Variants in ZNF827 observed in about 807,000 individuals in gnomAD.
ZNF827 encodes the protein zinc finger protein 827.
In ZNF827, 13 loss-of-function variants were observed where a neutral mutation model predicts 102.4. That is an observed-to-expected ratio of 0.13 (90% confidence interval 0.08 to 0.20). The LOEUF (loss-of-function observed/expected upper bound fraction) is 0.20. Ranked by LOEUF, ZNF827 falls within the 10% of genes least tolerant of loss-of-function variation. ZNF827 has a pLI of 1.00. For synonymous variants in ZNF827, 523 were observed against 536.2 expected, an observed-to-expected ratio of 0.98 and a Z score of 0.34; for missense variants, 1,103 against 1,344.4, an observed-to-expected ratio of 0.82 and a Z score of 2.81.
intron 8 of ZNF827, among the ~76,000 whole-genome samples, chr4:145,814,769 C>CAAAAAAAAAAAAAAAAAAA (rs773438540): frequency 1.3e-5 from 1 of 74,364 alleles, no homozygotes. Context: ...ACTAAAAATA[C>CAAAAAAAAAAAAAAAAAAA]AAAAAAAAAA....
chr4:145,808,901 A>T (rs1266943471), intron 8 of ZNF827, among the ~76,000 whole-genome samples: 2 of 152,170 alleles, frequency 1.3e-5, no homozygotes, highest in African/African-American at 4.8e-5. Flanking sequence ...CCTGGCCTCA[A>T]GCAATCCTCC....
chr4:145,783,799 G>C (rs1020257105), intron 8 of ZNF827, among the ~76,000 whole-genome samples: 2 of 152,214 alleles, frequency 1.3e-5, no homozygotes, highest in Non-Finnish European at 2.9e-5. Context: ...CCCAAGGATG[G>C]AGAAAGGGAA....
In ZNF827 at chr4:145,761,232, G is replaced by T; in HGVS notation, c.*384C>A. The T allele has an allele frequency of 1.6e-6, 2 of 1,289,890 alleles. No individual in the cohort carries two copies. The highest frequency in any genetic ancestry group is 2.0e-6 in the Non-Finnish European group (2 of 988,882). 79.9% of individuals were successfully genotyped at this position (1,289,890 alleles called of 1,614,324 possible). The stretch of plus-strand genomic sequence containing the variant: ...TGACGTGGCGGCTGAAGACGAAAGG[G>T]TGTGTGGTCTTGAACAGGCACTCTT... On this transcript the variant is annotated 3_prime_UTR_variant, in exon 15 of 15. Transcript: ENST00000508784. This position sits in a 1 kb window ranked among gnomAD's most constrained non-coding sequence, Gnocchi z 6.8.
At chr4:145,915,685 T>A (rs1416778383) in intron 1 of ZNF827, among the ~76,000 whole-genome samples, 1 of 152,096 alleles carries the variant, frequency 6.6e-6, no homozygotes, top group African/African-American at 2.4e-5. Flanking sequence ...ATTCATTCCA[T>A]CACAATAGCC....
intron 8 of ZNF827, among the ~76,000 whole-genome samples, chr4:145,818,785 G>A (rs1372789318): frequency 6.6e-6 from 1 of 152,170 alleles, no homozygotes; most frequent in African/African-American, 2.4e-5. Context: ...TTCTGACCAG[G>A]GGTGTGTCAG....
rs1387528968 is a variant in ZNF827, at chr4:145,938,707, TGTGA to T, written c.-304_-301del. On this transcript the variant is annotated 5_prime_UTR_variant, in exon 1 of 15. Coordinates refer to ENST00000508784, the MANE Select transcript of ZNF827 (RefSeq NM_001306215.2). ...CTTCAATGGAAACGGATCTAATAGG[TGTGA>T]GTGTGTGTGTGTCCTATGCTCGCGT... 2.4e-6 allele frequency: 1 copy of T among 415,160 alleles called. No homozygotes were observed. The highest frequency in any genetic ancestry group is 4.4e-6 in the Non-Finnish European group (1 of 228,056). 25.7% of individuals were successfully genotyped at this position (415,160 alleles called of 1,614,324 possible).
At position 145,762,095 on chromosome 4, in the gene ZNF827, G is replaced by C. The variant is rs368137590; in HGVS notation, c.*18-497C>G. The stretch of plus-strand genomic sequence containing the variant: ...TTAAAGAACAGCTTATAGGGGGAGC[G>C]CTACCTCCAGCAAACAGAAAGTCAC... On this transcript the variant is annotated intron_variant, in intron 14 of 14. Transcript: ENST00000508784. This position sits in a 1 kb window ranked among gnomAD's most constrained non-coding sequence, Gnocchi z 4.9. Among the ~76,000 whole-genome samples, 5 of 152,142 alleles carry C rather than the reference G, an allele frequency of 3.3e-5. No homozygotes were observed. Among genetic ancestry groups the C allele is most frequent in the Non-Finnish European group, 1.5e-5 (1 of 68,028 alleles).
At chr4:145,936,234 C>T (rs1754160293) in intron 1 of ZNF827, among the ~76,000 whole-genome samples, 1 of 152,044 alleles carries the variant, frequency 6.6e-6, no homozygotes, top group African/African-American at 2.4e-5. Context: ...TGCACGCACA[C>T]TCTTCCACCA....
chr4:145,778,197 G>A (rs887183303), intron 9 of ZNF827, among the ~76,000 whole-genome samples: 3 of 152,056 alleles, frequency 2.0e-5, no homozygotes, highest in Non-Finnish European at 4.4e-5. Context: ...GCAGTGGCAC[G>A]ATCTTGGCTC....
At chr4:145,938,276 C>G in intron 1 of ZNF827, 89 bp downstream of exon 1, 1 of 1,514,506 alleles carries the variant, frequency 6.6e-7, no homozygotes, top group South Asian at 1.1e-5. Flanking sequence ...TAAACTAATG[C>G]AGAAAACAAC....
At chr4:145,907,104 G>C (rs1283627175) in intron 1 of ZNF827, 1 of 456,720 alleles carries the variant, frequency 2.2e-6, no homozygotes, top group South Asian at 1.5e-5. Context: ...AGAAATGAAT[G>C]CAAGAAAATG....
At chr4:145,925,822 C>T (rs1342102146) in intron 1 of ZNF827, among the ~76,000 whole-genome samples, 2 of 152,202 alleles carry the variant, frequency 1.3e-5, no homozygotes, top group African/African-American at 4.8e-5. Flanking sequence ...TCTCATCTCA[C>T]CCCACATTAC....
chr4:145,849,295 T>C (rs1412974752), intron 6 of ZNF827, 27 bp downstream of exon 6: 6 of 1,596,260 alleles, frequency 3.8e-6, no homozygotes, highest in East Asian at 2.3e-5. Context: ...TTTCCAATAA[T>C]TGACATTTTC....
intron 8 of ZNF827, among the ~76,000 whole-genome samples, chr4:145,795,673 T>C (rs954028625): frequency 6.6e-6 from 1 of 152,214 alleles, no homozygotes; most frequent in Admixed American, 6.5e-5. Flanking sequence ...TGAGAAGTAT[T>C]TCCTTTTGAG....
chr4:145,761,004 G>C lies in ZNF827; in HGVS notation c.*612C>G. On this transcript the variant is annotated 3_prime_UTR_variant, in exon 15 of 15. Transcript: ENST00000508784. The surrounding 1 kb of genome is among the most constrained non-coding windows in gnomAD (Gnocchi z 6.8). ...TGAAGGCCAAAGCCTTGAGTGCCAG[G>C]TTGGGCTCTGAGCTGCTGCCGTGGG... is the stretch of plus-strand genomic sequence containing the variant. The C allele has an allele frequency of 2.4e-6, 3 of 1,268,880 alleles. No homozygotes were observed. Among genetic ancestry groups the C allele is most frequent in the South Asian group, 1.3e-5 (1 of 78,252 alleles). The allele number at this position is 1,268,880 out of a possible 1,614,324, so 78.6% of individuals were successfully genotyped here. A position where few individuals can be genotyped will look rare whatever the true frequency, so the allele number is the denominator to read the frequency against.
At chr4:145,881,202 GT>G (rs1749632609) in intron 4 of ZNF827, among the ~76,000 whole-genome samples, 1 of 152,240 alleles carries the variant, frequency 6.6e-6, no homozygotes, top group South Asian at 2.1e-4. Flanking sequence ...CACCTTTGCT[GT>G]TTAATGGATG....
intron 8 of ZNF827, among the ~76,000 whole-genome samples, chr4:145,810,350 AATT>A (rs1285457831): frequency 1.2e-4 from 18 of 152,186 alleles, no homozygotes. Flanking sequence ...TATGGCTCCA[AATT>A]ATTATATGAG....
At chr4:145,880,315 C>T (rs535002079) in intron 4 of ZNF827, among the ~76,000 whole-genome samples, 5 of 152,358 alleles carry the variant, frequency 3.3e-5, no homozygotes, top group African/African-American at 1.2e-4. Flanking sequence ...TCAGTTTCCT[C>T]ATCTGTAAAA....
chr4:145,887,022 C>T (rs1205731738), intron 3 of ZNF827, among the ~76,000 whole-genome samples: 1 of 152,230 alleles, frequency 6.6e-6, no homozygotes, highest in Non-Finnish European at 1.5e-5. Context: ...TGCTCATAAG[C>T]TTGTAACTTC....
Sources: gnomAD v4.1 joint callset for allele counts (sites outside exome capture counted in the v4.1 genomes callset) on GRCh38, gnomAD v4.1.1 for gene constraint, Gnocchi (gnomAD v3.1) non-coding constraint, MANE v1.5 for transcripts, NCBI Gene and HGNC (gene_info 2026-07-23, HGNC 2026-07-21) for gene names.